Variants in ERC2 observed in about 807,000 individuals in gnomAD.
ERC2 encodes the protein ELKS/RAB6-interacting/CAST family member 2, also known as ERC protein 2.
Under a neutral mutation model 114.8 loss-of-function variants are expected in ERC2, and 42 were observed. That is an observed-to-expected ratio of 0.37 (90% confidence interval 0.29 to 0.47). The LOEUF (loss-of-function observed/expected upper bound fraction) is 0.47. Ranked by LOEUF, ERC2 falls within the 20% of genes least tolerant of loss-of-function variation. ERC2 has a pLI of 0.99. For synonymous variants in ERC2, 454 were observed against 425.5 expected, an observed-to-expected ratio of 1.07 and a Z score of -0.82; for missense variants, 939 against 1,150.7, an observed-to-expected ratio of 0.82 and a Z score of 2.66.
At chr3:56,080,432 A>T (rs2077177445) in intron 7 of ERC2, among the ~76,000 whole-genome samples, 2 of 152,194 alleles carry the variant, frequency 1.3e-5, no homozygotes, top group South Asian at 4.1e-4. Context: ...AGGATCTACT[A>T]CAGTTTATGT....
At chr3:56,194,434 G>C (rs1446297215) in intron 3 of ERC2, among the ~76,000 whole-genome samples, 1 of 152,106 alleles carries the variant, frequency 6.6e-6, no homozygotes, top group Non-Finnish European at 1.5e-5. Flanking sequence ...CTACAGCCTG[G>C]GAGACAGAGT....
chr3:55,808,743 AAC>A (rs1281816392), intron 14 of ERC2, among the ~76,000 whole-genome samples: 21 of 97,854 alleles, frequency 2.1e-4, no homozygotes, highest in African/African-American at 8.7e-4. Context: ...ATATATATAT[AAC>A]GTATAACTAA....
intron 2 of ERC2, among the ~76,000 whole-genome samples, chr3:56,337,514 T>G (rs1432750090): frequency 6.6e-6 from 1 of 152,212 alleles, no homozygotes; most frequent in Non-Finnish European, 1.5e-5. Flanking sequence ...GTTGCTGTGA[T>G]GATGACCTGA....
chr3:55,947,911 T>C (rs1320540393), intron 13 of ERC2, among the ~76,000 whole-genome samples: 1 of 152,204 alleles, frequency 6.6e-6, no homozygotes, highest in Admixed American at 6.5e-5. Flanking sequence ...GTTTCTTATG[T>C]TAAAAGCCTA....
rs564913036 is a variant in ERC2, at chr3:56,074,649, C to T, written c.1641+6168G>A. 4.6e-5 allele frequency among the ~76,000 whole-genome samples: 7 copies of T among 152,208 alleles called. No homozygotes were observed. In the South Asian group the frequency reaches 1.2e-3, roughly 27 times the overall value. ...AGTGGCGAAACACCCTTACTCAAAC[C>T]TTCATCCCTTTTTACCTTCCTAGGG... On this transcript the variant is annotated intron_variant, in intron 7 of 17. Transcript: ENST00000288221.
intron 7 of ERC2, among the ~76,000 whole-genome samples, chr3:56,059,102 T>C (rs1369700156): frequency 6.6e-6 from 1 of 151,994 alleles, no homozygotes; most frequent in East Asian, 1.9e-4. Flanking sequence ...TTTTTATTTT[T>C]TTTTTTGGAA....
At chr3:55,631,546 A>T (rs1179845045) in intron 17 of ERC2, among the ~76,000 whole-genome samples, 1 of 152,224 alleles carries the variant, frequency 6.6e-6, no homozygotes, top group African/African-American at 2.4e-5. Flanking sequence ...AACTAAATGG[A>T]CCATCTTTAC....
intron 3 of ERC2, among the ~76,000 whole-genome samples, chr3:56,277,427 C>A (rs1560508051): frequency 6.6e-6 from 1 of 152,096 alleles, no homozygotes; most frequent in African/African-American, 2.4e-5. Context: ...GCCAAACATT[C>A]CTTCTCCTCC....
chr3:55,553,011 AT>A (rs66602607), intron 17 of ERC2, among the ~76,000 whole-genome samples: 187 of 55,136 alleles, frequency 3.4e-3, no homozygotes, highest in African/African-American at 0.011. Flanking sequence ...GGGCTTCCAG[AT>A]TTTTTTTTTT....
Position 55,992,216 on chromosome 3 carries a change from G to A in ERC2, c.2096C>T (p.Pro699Leu). Residue 699 changes from proline (P) to leucine (L), a missense_variant, in exon 11 of 18, where the codon CCT (proline) becomes CTT (leucine). Around this residue, in one of 5 missense-constraint regions of ERC2, gnomAD observed 328 missense variants for 353.9 expected, o/e 0.93. Coordinates refer to ENST00000288221, the MANE Select transcript of ERC2 (RefSeq NM_015576.3). ...CTGTTTTATTTGGTCTGCAAACTCAGGGTTCATCCTGGAGTCATCTTCAAT... is the reference window on the plus strand; with the variant it reads ...CTGTTTTATTTGGTCTGCAAACTCAAGGTTCATCCTGGAGTCATCTTCAAT... Reference protein sequence around the residue: ...HNIEDDSRMNPEFADQIKQLD... With the variant: ...HNIEDDSRMNLEFADQIKQLD... 1 of 1,613,670 alleles carries A rather than the reference G, an allele frequency of 6.2e-7. No individual in the cohort carries two copies. Among genetic ancestry groups the A allele is most frequent in the African/African-American group, 1.3e-5 (1 of 74,966 alleles).
intron 7 of ERC2, among the ~76,000 whole-genome samples, chr3:56,079,474 A>C (rs1401869601): frequency 3.9e-5 from 6 of 152,144 alleles, no homozygotes; most frequent in Non-Finnish European, 8.8e-5. Flanking sequence ...ACAGTGACTG[A>C]TGTAGTCTGA....
intron 15 of ERC2, among the ~76,000 whole-genome samples, chr3:55,710,757 G>A (rs79328869): frequency 0.017 from 2,633 of 152,272 alleles, 44 homozygotes; most frequent in African/African-American, 0.043. Flanking sequence ...GTAGACTAGA[G>A]AATTTTAGGG....
intron 4 of ERC2, among the ~76,000 whole-genome samples, chr3:56,170,782 T>C (rs2082622705): frequency 7.0e-6 from 1 of 143,448 alleles, no homozygotes; most frequent in Admixed American, 7.0e-5. Flanking sequence ...TTTTTTTTTC[T>C]GAGACAGAGT....
chr3:55,882,083 G>A (rs113502785), intron 14 of ERC2, among the ~76,000 whole-genome samples: 59 of 152,260 alleles, frequency 3.9e-4, no homozygotes, highest in African/African-American at 9.9e-4. Context: ...ATGGGAAAAC[G>A]GTGTTTGGGT....
chr3:56,143,818 AT>A (rs2080998522), intron 5 of ERC2, among the ~76,000 whole-genome samples: 2 of 152,240 alleles, frequency 1.3e-5, no homozygotes, highest in South Asian at 4.1e-4. Flanking sequence ...TTAAAAATAT[AT>A]TTCATTCAGT....
Position 55,510,216 on chromosome 3 carries a change from TG to T in ERC2, c.*1099del. On this transcript the variant is annotated 3_prime_UTR_variant, in exon 18 of 18. Coordinates refer to ENST00000288221, the MANE Select transcript of ERC2 (RefSeq NM_015576.3). ...TGTTCCTCATTCATCAATGTTTTCA[TG>T]TTTGATGCTGAAAATGCTTTGGAAT... is the stretch of plus-strand genomic sequence containing the variant. 1 of 152,128 alleles carries T rather than the reference TG, an allele frequency of 6.6e-6. No homozygotes were observed. The highest frequency in any genetic ancestry group is 1.5e-5 in the Non-Finnish European group (1 of 67,998). The allele number at this position is 152,128 out of a possible 1,614,324, so 9.4% of individuals were successfully genotyped here.
Position 55,761,133 on chromosome 3 carries a change from G to A in ERC2, c.2565-26215C>T, listed in dbSNP as rs543491747. ...TGATAATACAAACGAAAGGAGAGTG[G>A]CTGCCGTTATGATGTTTAGTCTTAT... On this transcript the variant is annotated intron_variant, in intron 14 of 17. Coordinates refer to ENST00000288221, the MANE Select transcript of ERC2 (RefSeq NM_015576.3). Among the ~76,000 whole-genome samples the A allele has an allele frequency of 5.9e-5, 9 of 152,232 alleles. No individual in the cohort carries two copies. In the East Asian group the frequency reaches 1.2e-3, roughly 20 times the overall value.
chr3:55,792,447 G>T (rs1358568294), intron 14 of ERC2, among the ~76,000 whole-genome samples: 1 of 152,070 alleles, frequency 6.6e-6, no homozygotes, highest in African/African-American at 2.4e-5. Context: ...GTTGACAAAT[G>T]TTTATTTTTC....
intron 4 of ERC2, among the ~76,000 whole-genome samples, chr3:56,157,647 C>A (rs866614473): frequency 6.6e-6 from 1 of 152,086 alleles, no homozygotes. Context: ...TTGCTCTTCC[C>A]GTTCCTTTTA....
Sources: allele counts gnomAD v4.1 joint callset (sites outside exome capture counted in the v4.1 genomes callset), GRCh38; gene constraint gnomAD v4.1.1; regional missense constraint gnomAD v4.1.1; transcripts MANE v1.5; gene names NCBI Gene and HGNC (gene_info 2026-07-23, HGNC 2026-07-21).